The following MAGT1 variants were observed in gnomAD, a reference collection of about 807,000 sequenced individuals.
The protein encoded by MAGT1 is dolichyl-diphosphooligosaccharide--protein glycosyltransferase subunit MAGT1.
MAGT1 carries 4 observed loss-of-function variants against 28.4 expected under a neutral mutation model. That is an observed-to-expected ratio of 0.14 (90% confidence interval 0.07 to 0.32). MAGT1 has a LOEUF of 0.32. Among genes scored for constraint, MAGT1 ranks in the 10% least tolerant of loss-of-function variants. The probability of loss-of-function intolerance (pLI) is 1.00; values close to 1 mark genes in which losing one functional copy is unlikely to be tolerated. For missense variants in MAGT1, 193 were observed against 264.5 expected, an observed-to-expected ratio of 0.73 and a Z score of 1.88; for synonymous variants, 89 against 89.7, an observed-to-expected ratio of 0.99 and a Z score of 0.04.
chrX:77,860,353 G>T (rs963077005), intron 3 of MAGT1, among the ~76,000 whole-genome samples: 2 of 111,016 alleles, frequency 1.8e-5, no homozygotes, highest in Non-Finnish European at 3.8e-5. Context: ...CTCCCAAAGT[G>T]CTGGCATTAC....
chrX:77,870,733 C>T (rs2077018524), intron 3 of MAGT1, 75 bp downstream of exon 3: 1 of 710,753 alleles, frequency 1.4e-6, no homozygotes, highest in Non-Finnish European at 2.2e-6. Context: ...TGTCTTATAG[C>T]CACTGAAAAA....
intron 2 of MAGT1, 149 bp from the exon 3 acceptor site, chrX:77,871,074 G>T: frequency 6.1e-6 from 3 of 493,713 alleles, no homozygotes; most frequent in Non-Finnish European, 7.3e-6. Context: ...GTCAGACTCT[G>T]CTGACAGGGT....
intron 1 of MAGT1, among the ~76,000 whole-genome samples, chrX:77,881,086 A>T (rs1327540863): frequency 1.8e-5 from 2 of 110,318 alleles, no homozygotes; most frequent in African/African-American, 3.3e-5. Flanking sequence ...AAGATAGAGA[A>T]TATTTGATTT....
At chrX:77,842,342 C>T (rs372549181) in intron 7 of MAGT1, among the ~76,000 whole-genome samples, 1 of 109,316 alleles carries the variant, frequency 9.1e-6, no homozygotes, top group African/African-American at 3.3e-5. Context: ...TGCAGTTAGC[C>T]GTGATCATAC....
intron 7 of MAGT1, among the ~76,000 whole-genome samples, chrX:77,849,126 G>C (rs1244469645): frequency 1.9e-5 from 2 of 108,002 alleles, no homozygotes; most frequent in Middle Eastern, 4.7e-3. Context: ...AGCCAGGCTG[G>C]AGCACAGTGG....
At chrX:77,835,216 T>C (rs2076912991) in intron 8 of MAGT1, among the ~76,000 whole-genome samples, 1 of 110,262 alleles carries the variant, frequency 9.1e-6, no homozygotes, top group Non-Finnish European at 1.9e-5. Context: ...TGCCTCGGCC[T>C]CCCAAAGTGC....
chrX:77,886,755 C>G (rs1340848120), intron 1 of MAGT1, among the ~76,000 whole-genome samples: 3 of 111,814 alleles, frequency 2.7e-5, no homozygotes, highest in African/African-American at 9.8e-5. Context: ...TGAATTTTAA[C>G]ATGTTACACA....
intron 6 of MAGT1, among the ~76,000 whole-genome samples, chrX:77,854,201 G>A (rs2076975804): frequency 9.0e-6 from 1 of 111,383 alleles, no homozygotes; most frequent in Non-Finnish European, 1.9e-5. Flanking sequence ...TTGAGACAGG[G>A]TCTTGCTCTG....
chrX:77,849,383 T>C (rs1423387040), intron 7 of MAGT1, among the ~76,000 whole-genome samples: 2 of 110,496 alleles, frequency 1.8e-5, no homozygotes, highest in African/African-American at 6.6e-5. Context: ...CCCAGCCCTG[T>C]AGGATTCCAT....
chrX:77,826,074 G>A lies in MAGT1; in HGVS notation c.*3146C>T, dbSNP rs781913243. On this transcript the variant is annotated 3_prime_UTR_variant, in exon 10 of 10. Transcript: ENST00000618282. Reference sequence around the variant, plus strand: ...CTAGTCAAGGAATGTTCACTGTCTGGGACGAAAGGTAGATCAATTGTTGCA... The same window carrying A: ...CTAGTCAAGGAATGTTCACTGTCTGAGACGAAAGGTAGATCAATTGTTGCA... Among the ~76,000 whole-genome samples the A allele has an allele frequency of 8.9e-6, 1 of 111,942 alleles. No homozygotes were observed. The highest frequency in any genetic ancestry group is 1.9e-5 in the Non-Finnish European group (1 of 53,185).
chrX:77,831,657 A>G (rs1337542093), intron 8 of MAGT1, among the ~76,000 whole-genome samples: 2 of 108,191 alleles, frequency 1.8e-5, no homozygotes, highest in African/African-American at 6.7e-5. Flanking sequence ...CAGTGGCACA[A>G]TCACAGCTCA....
At chrX:77,829,526 G>A (rs1324032270) in intron 9 of MAGT1, among the ~76,000 whole-genome samples, 3 of 110,818 alleles carry the variant, frequency 2.7e-5, no homozygotes, top group Non-Finnish European at 3.8e-5. Context: ...GCCCAGTCTG[G>A]TCTGGGACTC....
At chrX:77,890,453 C>T (rs1206326016) in intron 1 of MAGT1, among the ~76,000 whole-genome samples, 1 of 111,688 alleles carries the variant, frequency 9.0e-6, no homozygotes, top group African/African-American at 3.3e-5. Context: ...TATCCTTGTC[C>T]CCTTTCCTTA....
intron 1 of MAGT1, among the ~76,000 whole-genome samples, chrX:77,894,629 A>G (rs1440187227): frequency 8.9e-6 from 1 of 112,024 alleles, no homozygotes; most frequent in African/African-American, 3.2e-5. Context: ...AACGTTTGAA[A>G]ACGCATTGTT....
chrX:77,863,464 G>A (rs1452159156), intron 3 of MAGT1, among the ~76,000 whole-genome samples: 1 of 102,556 alleles, frequency 9.8e-6, no homozygotes, highest in Non-Finnish European at 2.0e-5. Flanking sequence ...GTAGTGAGCC[G>A]AGATCACACC....
intron 8 of MAGT1, among the ~76,000 whole-genome samples, chrX:77,838,264 C>T (rs782728471): frequency 3.7e-5 from 4 of 109,553 alleles, no homozygotes; most frequent in East Asian, 5.7e-4. Flanking sequence ...AGACCAACCT[C>T]GGCAATAAAG....
intron 7 of MAGT1, among the ~76,000 whole-genome samples, chrX:77,850,829 T>C (rs2076965537): frequency 8.9e-6 from 1 of 111,909 alleles, no homozygotes; most frequent in East Asian, 2.8e-4. Context: ...AATCAACTAA[T>C]TAATACTTTA....
At chrX:77,837,384 T>C (rs1322465962) in intron 8 of MAGT1, 1 of 111,851 alleles carries the variant, frequency 8.9e-6, no homozygotes, top group African/African-American at 3.2e-5. Flanking sequence ...TCGTGAAGTG[T>C]TCCATATTTT....
intron 1 of MAGT1, among the ~76,000 whole-genome samples, chrX:77,878,793 AAAAAAAAAAAAG>A (rs1218672690): frequency 3.6e-4 from 39 of 107,917 alleles, no homozygotes; most frequent in African/African-American, 1.1e-3. Flanking sequence ...TCTATCTCAA[AAAAAAAAAAAAG>A]AAAAAAAAAA....
Sources: allele counts gnomAD v4.1 joint callset (sites outside exome capture counted in the v4.1 genomes callset), GRCh38; gene constraint gnomAD v4.1.1; transcripts MANE v1.5; gene names NCBI Gene and HGNC (gene_info 2026-07-23, HGNC 2026-07-21).